Variants in ZDHHC14 observed in about 807,000 individuals in gnomAD.
ZDHHC14 encodes zDHHC palmitoyltransferase 14, also known as palmitoyltransferase ZDHHC14.
Under a neutral mutation model 47.7 loss-of-function variants are expected in ZDHHC14, and 16 were observed. That is an observed-to-expected ratio of 0.34 (90% CI 0.23 to 0.51). The LOEUF is 0.51. ZDHHC14 is among the 20% of genes least tolerant of loss of function. The pLI is 0.97. For synonymous variants in ZDHHC14, 293 were observed against 278.9 expected, an observed-to-expected ratio of 1.05 and a Z score of -0.50; for missense variants, 515 against 662.5, an observed-to-expected ratio of 0.78 and a Z score of 2.44.
chr6:157,473,745 C>T (rs1192344074), intron 1 of ZDHHC14, among the ~76,000 whole-genome samples: 3 of 152,164 alleles, frequency 2.0e-5, no homozygotes, highest in Admixed American at 2.0e-4. Context: ...GGTCAAAACA[C>T]AGTCAAAACT....
intron 1 of ZDHHC14, among the ~76,000 whole-genome samples, chr6:157,426,577 G>A (rs985313422): frequency 1.3e-4 from 20 of 152,302 alleles, no homozygotes; most frequent in African/African-American, 4.3e-4. Flanking sequence ...CTGGCACCCA[G>A]AAGAGAGGGT....
intron 2 of ZDHHC14, among the ~76,000 whole-genome samples, chr6:157,550,157 A>C (rs1038154917): frequency 2.0e-5 from 3 of 152,228 alleles, no homozygotes; most frequent in African/African-American, 7.2e-5. Flanking sequence ...CTCAGCCTGC[A>C]CTGAGCCTAG....
At chr6:157,545,980 G>C (rs1254175333) in intron 2 of ZDHHC14, among the ~76,000 whole-genome samples, 1 of 152,104 alleles carries the variant, frequency 6.6e-6, no homozygotes, top group African/African-American at 2.4e-5. Flanking sequence ...ATCGTTTTTT[G>C]TTTTGTCTAA....
chr6:157,491,764 A>G (rs1191691979), intron 1 of ZDHHC14, among the ~76,000 whole-genome samples: 2 of 152,184 alleles, frequency 1.3e-5, no homozygotes, highest in East Asian at 1.9e-4. Flanking sequence ...CTCTCACCTG[A>G]TTAAACAGCT....
intron 1 of ZDHHC14, among the ~76,000 whole-genome samples, chr6:157,523,377 A>G (rs1180576721): frequency 6.6e-6 from 1 of 152,094 alleles, no homozygotes; most frequent in Admixed American, 6.5e-5. Flanking sequence ...TTCAGCCTTC[A>G]TTGCTATTGA....
At chr6:157,630,709 AC>A (rs1413719533) in intron 4 of ZDHHC14, 1 of 150,274 alleles carries the variant, frequency 6.7e-6, no homozygotes, top group East Asian at 2.0e-4. Flanking sequence ...TCACACACAT[AC>A]CCTTACACAC....
chr6:157,644,086 G>A (rs757698769), intron 5 of ZDHHC14, among the ~76,000 whole-genome samples: 24 of 152,088 alleles, frequency 1.6e-4, no homozygotes, highest in Non-Finnish European at 3.5e-4. Flanking sequence ...AGTGTCTAAT[G>A]TCATCTCCCT....
chr6:157,635,472 T>G (rs1260997179), intron 5 of ZDHHC14, among the ~76,000 whole-genome samples: 3 of 152,236 alleles, frequency 2.0e-5, no homozygotes, highest in Admixed American at 6.5e-5. Flanking sequence ...TTAACCCTTT[T>G]GTGTCTCAAT....
chr6:157,561,422 T>G (rs2114841491), intron 2 of ZDHHC14, among the ~76,000 whole-genome samples: 1 of 152,190 alleles, frequency 6.6e-6, no homozygotes, highest in Non-Finnish European at 1.5e-5. Flanking sequence ...GTGTGTATTA[T>G]TTTCAGTAAT....
chr6:157,473,732 C>T (rs1455483889), intron 1 of ZDHHC14, among the ~76,000 whole-genome samples: 1 of 152,162 alleles, frequency 6.6e-6, no homozygotes, highest in East Asian at 1.9e-4. Flanking sequence ...TGTGACAGGT[C>T]ATGGTCAAAA....
intron 2 of ZDHHC14, among the ~76,000 whole-genome samples, chr6:157,574,147 G>T (rs1283662658): frequency 6.6e-6 from 1 of 151,360 alleles, no homozygotes. Context: ...GAGATGCCAG[G>T]TGTGGTGGCT....
At chr6:157,575,905 A>T (rs1041230289) in intron 2 of ZDHHC14, among the ~76,000 whole-genome samples, 2 of 152,218 alleles carry the variant, frequency 1.3e-5, no homozygotes, top group Non-Finnish European at 2.9e-5. Flanking sequence ...GGGCTGGAAC[A>T]CCATGTTTCT....
chr6:157,424,935 T>C (rs1778187120), intron 1 of ZDHHC14, among the ~76,000 whole-genome samples: 1 of 151,538 alleles, frequency 6.6e-6, no homozygotes, highest in Non-Finnish European at 1.5e-5. Flanking sequence ...CCGCCCACTC[T>C]CACTCTTCAG....
chr6:157,389,766 C>T (rs1192429365), intron 1 of ZDHHC14, among the ~76,000 whole-genome samples: 1 of 152,138 alleles, frequency 6.6e-6, no homozygotes, highest in Non-Finnish European at 1.5e-5. Context: ...ATTCCTCTTA[C>T]TCCTTCCACC....
chr6:157,403,230 C>A, intron 1 of ZDHHC14, among the ~76,000 whole-genome samples: 1 of 152,198 alleles, frequency 6.6e-6, no homozygotes, highest in Non-Finnish European at 1.5e-5. Context: ...GGGTTTTAAA[C>A]AGAATTTCTT....
chr6:157,521,429 G>C (rs1483130741), intron 1 of ZDHHC14, among the ~76,000 whole-genome samples: 2 of 152,204 alleles, frequency 1.3e-5, no homozygotes, highest in African/African-American at 4.8e-5. Context: ...ACCAGGCCGT[G>C]GGTAGCTCAC....
At chr6:157,604,750 G>A (rs1784470064) in intron 3 of ZDHHC14, among the ~76,000 whole-genome samples, 1 of 152,116 alleles carries the variant, frequency 6.6e-6, no homozygotes, top group Non-Finnish European at 1.5e-5. Context: ...CACCATATTG[G>A]TCAGGCTGGT....
rs775712529 is a variant in ZDHHC14 at position 157,672,863 on chromosome 6, G to C, written c.1208G>C (p.Ser403Thr). The change falls in exon 9 of 9, where the codon AGC becomes ACC. Residue 403 changes from serine to threonine, a missense_variant. By Grantham distance (58) the Ser-to-Thr change is moderately conservative (BLOSUM62 1). Around this residue, in one of 4 missense-constraint regions of ZDHHC14, gnomAD observed 221 missense variants for 233.6 expected, o/e 0.95. Transcript: ENST00000359775. Reference protein sequence around the residue: ...GKPGLGTPCASLTLGPPTPPA... With the variant: ...GKPGLGTPCATLTLGPPTPPA... ...CCTGGCCTGGGCACGCCCTGCGCCA[G>C]CCTCACACTGGGCCCGCCCACACCG... 1.9e-6 allele frequency: 3 copies of C among 1,609,246 alleles called. No homozygotes were observed. Among genetic ancestry groups the C allele is most frequent in the Non-Finnish European group, 2.5e-6 (3 of 1,178,600 alleles).
intron 1 of ZDHHC14, among the ~76,000 whole-genome samples, chr6:157,528,500 G>A (rs1390028111): frequency 6.6e-6 from 1 of 151,908 alleles, no homozygotes; most frequent in Non-Finnish European, 1.5e-5. Context: ...GGGAGGCTGA[G>A]GCGGGCAGAT....
Sources: gnomAD v4.1 joint callset for allele counts (sites outside exome capture counted in the v4.1 genomes callset) on GRCh38, gnomAD v4.1.1 for gene constraint, gnomAD v4.1.1 regional missense constraint, MANE v1.5 for transcripts, NCBI Gene and HGNC (gene_info 2026-07-23, HGNC 2026-07-21) for gene names.